The following CHD5 variants were observed in gnomAD, a reference collection of about 807,000 sequenced individuals.
CHD5 encodes ATP-dependent chromatin remodeler CHD5.
Under a neutral mutation model 230.3 loss-of-function variants are expected in CHD5, and 69 were observed. The observed-to-expected ratio is 0.30, with a 90% CI of 0.25 to 0.37. The LOEUF (loss-of-function observed/expected upper bound fraction) is 0.37. CHD5 is among the 10% of genes least tolerant of loss of function. The probability of loss-of-function intolerance (pLI) is 1.00; values close to 1 mark genes in which losing one functional copy is unlikely to be tolerated. For missense variants in CHD5, 1,827 were observed against 2,622.8 expected, an observed-to-expected ratio of 0.70 and a Z score of 6.63; for synonymous variants, 1,064 against 1,065.9, an observed-to-expected ratio of 1.00 and a Z score of 0.03.
rs903360021 is a variant in CHD5 at position 6,154,197 on chromosome 1, C to T, written c.745+463G>A. ...CATTGGCCGAGGGCCTGGAGAACAACCCTGCACACAGTGGGTATGCAGACA... is the reference window on the plus strand; with the variant it reads ...CATTGGCCGAGGGCCTGGAGAACAATCCTGCACACAGTGGGTATGCAGACA... On this transcript the variant is annotated intron_variant, in intron 5 of 41. Transcript: ENST00000262450. This position sits in a 1 kb window ranked among gnomAD's most constrained non-coding sequence, Gnocchi z 7.0. 6.6e-6 allele frequency among the ~76,000 whole-genome samples: 1 copy of T among 152,196 alleles called. No individual in the cohort carries two copies. The highest frequency in any genetic ancestry group is 1.5e-5 in the Non-Finnish European group (1 of 68,038).
At chr1:6,107,079 G>C (rs888638464) in intron 38 of CHD5, among the ~76,000 whole-genome samples, 5 of 145,778 alleles carry the variant, frequency 3.4e-5, no homozygotes, top group African/African-American at 1.3e-4. Flanking sequence ...GGATGATGGA[G>C]GGGTGGAAGG....
At chr1:6,117,181 A>C (rs2100836503) in intron 33 of CHD5, among the ~76,000 whole-genome samples, 1 of 152,296 alleles carries the variant, frequency 6.6e-6, no homozygotes, top group East Asian at 1.9e-4. Context: ...GGTAATATAT[A>C]AAGTACAAAA....
At chr1:6,109,671 C>T (rs1403683280) in intron 38 of CHD5, 124 bp downstream of exon 38, 11 of 803,804 alleles carry the variant, frequency 1.4e-5, no homozygotes, top group South Asian at 3.3e-5. Context: ...AGAAGTCCAC[C>T]GCCCTCTGGG....
At chr1:6,119,213 CT>C (rs1226836677) in intron 33 of CHD5, among the ~76,000 whole-genome samples, 9 of 152,178 alleles carry the variant, frequency 5.9e-5, no homozygotes, top group Non-Finnish European at 5.9e-5. Flanking sequence ...GTGGTGCGAC[CT>C]CAGCCTCCCA....
intron 31 of CHD5, among the ~76,000 whole-genome samples, chr1:6,122,503 G>A (rs1332681203): frequency 6.6e-6 from 1 of 152,164 alleles, no homozygotes; most frequent in African/African-American, 2.4e-5. Flanking sequence ...TGCTGAAGAC[G>A]TGGAGAACCT....
At chr1:6,110,026 C>G (rs751621702) in intron 37 of CHD5, 36 bp from the exon 38 acceptor site, 3 of 1,473,976 alleles carry the variant, frequency 2.0e-6, no homozygotes, top group Non-Finnish European at 2.7e-6. Flanking sequence ...CGGCCCCTCC[C>G]GCTGAATGGC....
At chr1:6,110,669 C>A in intron 36 of CHD5, 143 bp from the exon 37 acceptor site, 2 of 798,750 alleles carry the variant, frequency 2.5e-6, no homozygotes, top group Non-Finnish European at 4.0e-6. Flanking sequence ...AGCCCAGCTG[C>A]ACGAGGAACA....
At position 6,148,998 on chromosome 1, in the gene CHD5, GTCC is replaced by G. The variant is rs746802182; in HGVS notation, c.1236_1238del (p.Glu412del). 5.9e-5 allele frequency: 94 copies of G among 1,605,210 alleles called. No homozygotes were observed. Among genetic ancestry groups the G allele is most frequent in the Admixed American group, 1.4e-4 (8 of 59,174 alleles). ...ACACGCGGCAGAACTCCATGTGGTCGTCCTCCTCCTCCTCGCAGCCGCCCTCCT... is the reference window on the plus strand; with the variant it reads ...ACACGCGGCAGAACTCCATGTGGTCGTCCTCCTCCTCGCAGCCGCCCTCCT... On this transcript the variant is annotated inframe_deletion, in exon 9 of 42. Transcript: ENST00000262450.
rs770520672 is a variant in CHD5, at chr1:6,134,806, C to A, written c.2924G>T (p.Gly975Val). ...GAGCAGCGATACTTGGTTCCCGCCC[C>A]CCTTGGAGTTCAGTGCCTCAAAGTT... ...TRNFEALNSK[G>V]GGNQVSLLNI... is the part of the protein sequence containing the mutation. The change falls in exon 19 of 42, where the codon GGG becomes GTG. Residue 975 changes from glycine to valine, a missense_variant. By Grantham distance (109) the Gly-to-Val change is moderately radical. Around this residue, in one of 14 missense-constraint regions of CHD5, gnomAD observed 16 missense variants for 18.2 expected, o/e 0.88. Transcript: ENST00000262450. The surrounding 1 kb of genome is among the most constrained non-coding windows in gnomAD (Gnocchi z 6.3). 1 of 1,614,134 alleles carries A rather than the reference C, an allele frequency of 6.2e-7. No individual in the cohort carries two copies.
chr1:6,141,402 G>A (rs1273482184), intron 15 of CHD5, among the ~76,000 whole-genome samples: 2 of 151,592 alleles, frequency 1.3e-5, no homozygotes, highest in Non-Finnish European at 1.5e-5. Context: ...GATCACTTGA[G>A]GTCACAAGCT....
At chr1:6,141,009 C>A (rs528046415) in intron 15 of CHD5, among the ~76,000 whole-genome samples, 6 of 119,908 alleles carry the variant, frequency 5.0e-5, no homozygotes, top group African/African-American at 2.0e-4. Context: ...ATAGGCTGAG[C>A]GTGGTGGCTC....
rs1383764945 is a variant in CHD5, at chr1:6,107,534, G to A, written c.5579-755C>T. 6.0e-3 allele frequency among the ~76,000 whole-genome samples: 344 copies of A among 57,564 alleles called. 1 individual carries two copies. The highest frequency in any genetic ancestry group is 0.02 in the South Asian group (18 of 902). The allele number at this position is 57,564 out of a possible 152,430, so 37.8% of individuals were successfully genotyped here. A position where few individuals can be genotyped will look rare whatever the true frequency, so the allele number is the denominator to read the frequency against. ...GGAGGGATGGAGCGGTGGAGAGATG[G>A]AGGGATGGAGGGATAATGAAGGGAT... On this transcript the variant is annotated intron_variant, in intron 38 of 41. Coordinates refer to ENST00000262450, the MANE Select transcript of CHD5 (RefSeq NM_015557.3).
In CHD5 at chr1:6,155,051, C is replaced by A. The variant is rs952008995; in HGVS notation, c.507-153G>T. Among the ~76,000 whole-genome samples the A allele has an allele frequency of 3.3e-5, 5 of 151,914 alleles. No homozygotes were observed. The highest frequency in any genetic ancestry group is 1.3e-4 in the Admixed American group (2 of 15,234). ...AGAGATTAGGCGGGAAACCCACTGACCACAGCCCACCCCCAAAACGCCCCA... is the reference window on the plus strand; with the variant it reads ...AGAGATTAGGCGGGAAACCCACTGAACACAGCCCACCCCCAAAACGCCCCA... On this transcript the variant is annotated intron_variant, in intron 4 of 41. Transcript: ENST00000262450. This position sits in a 1 kb window ranked among gnomAD's most constrained non-coding sequence, Gnocchi z 4.0.
At chr1:6,159,006 CA>C (rs35569300) in intron 3 of CHD5, among the ~76,000 whole-genome samples, 8,744 of 63,356 alleles carry the variant, frequency 0.14, 270 homozygotes, top group Middle Eastern at 0.24. Flanking sequence ...GACTCCGTCT[CA>C]AAAAAAAAAA....
chr1:6,134,834 G>T lies in CHD5; in HGVS notation c.2896C>A (p.Arg966=). 6.2e-7 allele frequency: 1 copy of T among 1,614,134 alleles called. No individual in the cohort carries two copies. Among genetic ancestry groups the T allele is most frequent in the Non-Finnish European group, 8.5e-7 (1 of 1,179,996 alleles). Residue 966 remains arginine, a synonymous_variant, in exon 19 of 42, where the codon CGG becomes AGG. Coordinates refer to ENST00000262450, the MANE Select transcript of CHD5 (RefSeq NM_015557.3). The surrounding 1 kb of genome is among the most constrained non-coding windows in gnomAD (Gnocchi z 6.3). ...TTGGAGTTCAGTGCCTCAAAGTTCC[G>T]TGTGAGGATGAACTTGTAGTACTTC... ...QKKYYKFILT[R]NFEALNSKGG... is the part of the protein sequence containing the mutation.
At position 6,112,225 on chromosome 1, in the gene CHD5, G is replaced by T. The variant is rs751350223; in HGVS notation, c.5055C>A (p.Asp1685Glu). ...KEPIETQQNGDKEEDDEGKKE... is the reference protein window; with the variant it reads ...KEPIETQQNGEKEEDDEGKKE... ...TCTTCCCCTCGTCATCTTCCTCTTT[G>T]TCACCATTTTGCTGTGTTTCAATGG... is the stretch of plus-strand genomic sequence containing the variant. The change falls in exon 35 of 42, where the codon GAC becomes GAA. Residue 1685 changes from aspartate to glutamate, a missense_variant. Coordinates refer to ENST00000262450, the MANE Select transcript of CHD5 (RefSeq NM_015557.3). 2 of 1,613,914 alleles carry T rather than the reference G, an allele frequency of 1.2e-6. No individual in the cohort carries two copies. Among genetic ancestry groups the T allele is most frequent in the South Asian group, 2.2e-5 (2 of 91,074 alleles).
chr1:6,159,961 G>C (rs897939027), intron 2 of CHD5, among the ~76,000 whole-genome samples: 2 of 151,694 alleles, frequency 1.3e-5, no homozygotes, highest in African/African-American at 4.8e-5. Context: ...TGGTCCCAGA[G>C]TCAAAAAGCA....
chr1:6,149,994 T>C (rs1045937640), intron 7 of CHD5, among the ~76,000 whole-genome samples: 2 of 137,638 alleles, frequency 1.5e-5, no homozygotes, highest in Admixed American at 6.9e-5. Context: ...GATGGATGGA[T>C]GGACAAATGG....
At chr1:6,152,291 G>A in intron 6 of CHD5, 121 bp downstream of exon 6, 1 of 1,097,124 alleles carries the variant, frequency 9.1e-7, no homozygotes, top group Non-Finnish European at 1.3e-6. Context: ...ATAGTGGAGG[G>A]GTGCGACCTG....
Sources: gnomAD v4.1 joint callset for allele counts (sites outside exome capture counted in the v4.1 genomes callset) on GRCh38, gnomAD v4.1.1 for gene constraint, gnomAD v4.1.1 regional missense constraint, Gnocchi (gnomAD v3.1) non-coding constraint, MANE v1.5 for transcripts, NCBI Gene and HGNC (gene_info 2026-07-23, HGNC 2026-07-21) for gene names.